The following ATG10 variants were observed in gnomAD, a reference collection of about 807,000 sequenced individuals.
ATG10 encodes the protein ubiquitin-like-conjugating enzyme ATG10.
Under a neutral mutation model 32.1 loss-of-function variants are expected in ATG10, and 30 were observed. That is an observed-to-expected ratio of 0.94 (90% CI 0.70 to 1.27). ATG10 has a LOEUF of 1.27. ATG10 is among the 50% of genes most tolerant of loss of function. The pLI is 0.00. For missense variants in ATG10, 233 were observed against 262.3 expected (o/e 0.89, Z 0.77); for synonymous variants, 87 against 91.5 (o/e 0.95, Z 0.28).
chr5:82,174,782 A>T (rs1005487445), intron 4 of ATG10, among the ~76,000 whole-genome samples: 16 of 152,198 alleles, frequency 1.1e-4, no homozygotes, highest in African/African-American at 3.6e-4. Context: ...TGCTTGTTTT[A>T]AAAACATGTA....
At chr5:82,079,700 C>G (rs1357412994) in intron 3 of ATG10, among the ~76,000 whole-genome samples, 3 of 152,006 alleles carry the variant, frequency 2.0e-5, no homozygotes, top group Non-Finnish European at 2.9e-5. Context: ...TGAACTCATC[C>G]TTTTTTATGG....
chr5:82,023,007 A>T (rs1392376246), intron 2 of ATG10, among the ~76,000 whole-genome samples: 2 of 147,960 alleles, frequency 1.4e-5, no homozygotes, highest in Non-Finnish European at 3.0e-5. Flanking sequence ...ACACACATAA[A>T]ATATATATAT....
intron 5 of ATG10, among the ~76,000 whole-genome samples, chr5:82,222,827 A>G (rs908165215): frequency 3.3e-5 from 5 of 152,252 alleles, no homozygotes; most frequent in Non-Finnish European, 7.3e-5. Context: ...ACATGCCAGG[A>G]TAACAATCAG....
At chr5:82,240,496 G>A (rs1197041033) in intron 5 of ATG10, among the ~76,000 whole-genome samples, 1 of 152,176 alleles carries the variant, frequency 6.6e-6, no homozygotes, top group African/African-American at 2.4e-5. Context: ...ATATAGTGGT[G>A]GTTACTAGAG....
chr5:81,996,412 A>AT (rs1397415542), intron 2 of ATG10, among the ~76,000 whole-genome samples: 4 of 151,826 alleles, frequency 2.6e-5, no homozygotes, highest in Non-Finnish European at 2.9e-5. Context: ...CTATTTTTAA[A>AT]TTTTTTTTGT....
intron 3 of ATG10, among the ~76,000 whole-genome samples, chr5:82,156,530 G>A (rs1281293338): frequency 6.6e-6 from 1 of 152,130 alleles, no homozygotes. Flanking sequence ...TTTCTTACTT[G>A]CTGGAGACCT....
chr5:82,056,013 A>T (rs1251395371), intron 2 of ATG10, among the ~76,000 whole-genome samples: 4 of 152,200 alleles, frequency 2.6e-5, no homozygotes, highest in Non-Finnish European at 4.4e-5. Flanking sequence ...GTGTAAGCAC[A>T]GTCTATGATG....
intron 3 of ATG10, among the ~76,000 whole-genome samples, chr5:82,139,983 T>C (rs867569085): frequency 4.7e-4 from 49 of 104,092 alleles, no homozygotes; most frequent in South Asian, 3.4e-3. Flanking sequence ...GTCAGGGAGG[T>C]GAGGGGCGCC....
At chr5:82,013,669 T>A (rs1762195895) in intron 2 of ATG10, among the ~76,000 whole-genome samples, 1 of 151,886 alleles carries the variant, frequency 6.6e-6, no homozygotes, top group South Asian at 2.1e-4. Flanking sequence ...CAACATCTAT[T>A]TTTTTTTGAT....
chr5:82,061,368 T>C (rs1411768262), intron 3 of ATG10, among the ~76,000 whole-genome samples: 1 of 151,856 alleles, frequency 6.6e-6, no homozygotes, highest in African/African-American at 2.4e-5. Context: ...TTTCTTTTTC[T>C]TTACATTTAT....
chr5:82,160,939 A>G (rs1168396388), intron 3 of ATG10, among the ~76,000 whole-genome samples: 7 of 152,204 alleles, frequency 4.6e-5, no homozygotes, highest in Non-Finnish European at 8.8e-5. Flanking sequence ...AGACTGAAAT[A>G]GAAAATATTG....
intron 3 of ATG10, among the ~76,000 whole-genome samples, chr5:82,085,656 A>T (rs1218141751): frequency 6.6e-6 from 1 of 152,050 alleles, no homozygotes; most frequent in Non-Finnish European, 1.5e-5. Context: ...AAAGAAAATT[A>T]AAAAATACTA....
At chr5:82,023,787 C>A (rs548815041) in intron 2 of ATG10, among the ~76,000 whole-genome samples, 85 of 152,332 alleles carry the variant, frequency 5.6e-4, no homozygotes, top group African/African-American at 1.7e-3. Context: ...GTTTTTGCTA[C>A]TTTTCAGCAT....
At position 82,196,959 on chromosome 5, in the gene ATG10, C is replaced by A. The variant is rs1328533897; in HGVS notation, c.453+18372C>A. Among the ~76,000 whole-genome samples, 4 of 152,306 alleles carry A rather than the reference C, an allele frequency of 2.6e-5. No homozygotes were observed. The East Asian group carries it at 5.8e-4, about 22-fold the overall frequency. On this transcript the variant is annotated intron_variant, in intron 5 of 7. Transcript: ENST00000282185. ...AGTTGGAATTTTGATATGGATTGCACTGGAGCTATACTTCAATTTGAGGAG... is the reference window on the plus strand; with the variant it reads ...AGTTGGAATTTTGATATGGATTGCAATGGAGCTATACTTCAATTTGAGGAG...
At chr5:82,065,270 T>C (rs1449450351) in intron 3 of ATG10, among the ~76,000 whole-genome samples, 1 of 152,072 alleles carries the variant, frequency 6.6e-6, no homozygotes, top group East Asian at 1.9e-4. Context: ...GCGGATCACT[T>C]GAGGCTGTGA....
chr5:82,096,360 T>C (rs1439038840), intron 3 of ATG10, among the ~76,000 whole-genome samples: 2 of 152,220 alleles, frequency 1.3e-5, no homozygotes, highest in South Asian at 2.1e-4. Flanking sequence ...CTCACAGATA[T>C]ATATTTCCTG....
At chr5:81,975,682 CAAA>C (rs111857799) in intron 1 of ATG10, among the ~76,000 whole-genome samples, 2 of 143,448 alleles carry the variant, frequency 1.4e-5, no homozygotes, top group African/African-American at 2.5e-5. Flanking sequence ...ACCCCCCTCT[CAAA>C]AAAAAAAAGT....
Position 82,252,735 on chromosome 5 carries a change from GC to G in ATG10, c.551+77del. The G allele has an allele frequency of 3.6e-6, 3 of 832,196 alleles. No homozygotes were observed. In the South Asian group the frequency reaches 5.0e-5, roughly 14 times the overall value. 51.6% of individuals were successfully genotyped at this position (832,196 alleles called of 1,614,324 possible). A position where few individuals can be genotyped will look rare whatever the true frequency, so the allele number is the denominator to read the frequency against. On this transcript the variant is annotated intron_variant, in intron 6 of 7. Transcript: ENST00000282185. ...TAAATCTTTTTATGTGACTCTAAATGCTAGGCTAAAAAAGAAATATTAATAA... is the reference window on the plus strand; with the variant it reads ...TAAATCTTTTTATGTGACTCTAAATGTAGGCTAAAAAAGAAATATTAATAA...
chr5:82,099,316 TTTAA>T (rs1481970191), intron 3 of ATG10, among the ~76,000 whole-genome samples: 5 of 152,286 alleles, frequency 3.3e-5, no homozygotes, highest in Admixed American at 1.3e-4. Flanking sequence ...GGAATGATAA[TTTAA>T]TTATTGAATA....
Sources: gnomAD v4.1 joint callset for allele counts (sites outside exome capture counted in the v4.1 genomes callset) on GRCh38, gnomAD v4.1.1 for gene constraint, MANE v1.5 for transcripts, NCBI Gene and HGNC (gene_info 2026-07-23, HGNC 2026-07-21) for gene names.